RALGAPA1: variants seen among roughly 807,000 people sequenced by gnomAD.
The protein encoded by RALGAPA1 is ral GTPase-activating protein subunit alpha-1.
RALGAPA1 carries 52 observed loss-of-function variants against 269.6 expected under a neutral mutation model. The observed-to-expected ratio is 0.19, with a 90% CI of 0.15 to 0.24. The LOEUF (loss-of-function observed/expected upper bound fraction) is 0.24, where lower values mean the gene tolerates loss of function less well. RALGAPA1 is among the 10% of genes least tolerant of loss of function. The pLI is 1.00. For synonymous variants in RALGAPA1, 817 were observed against 1,008.3 expected (o/e 0.81, Z 3.60); for missense variants, 1,917 against 3,013.9 (o/e 0.64, Z 8.52).
chr14:35,720,469 A>G (rs1231105331), intron 16 of RALGAPA1, among the ~76,000 whole-genome samples: 1 of 152,216 alleles, frequency 6.6e-6, no homozygotes, highest in Non-Finnish European at 1.5e-5. Flanking sequence ...ATTTCTTTAA[A>G]ATTAATAGTG....
intron 31 of RALGAPA1, among the ~76,000 whole-genome samples, chr14:35,644,658 C>A (rs2062269510): frequency 6.6e-6 from 1 of 151,990 alleles, no homozygotes; most frequent in Admixed American, 6.6e-5. Context: ...ATATGGAAAC[C>A]AGATTTTTCA....
intron 30 of RALGAPA1, among the ~76,000 whole-genome samples, chr14:35,652,383 T>TATATATATATATATATACAC (rs968163110): frequency 6.7e-6 from 1 of 148,696 alleles, no homozygotes; most frequent in Admixed American, 6.7e-5. Flanking sequence ...TATATATATA[T>TATATATATATATATATACAC]ACACACACAC....
At chr14:35,739,212 A>G (rs933689699) in intron 11 of RALGAPA1, among the ~76,000 whole-genome samples, 1 of 152,104 alleles carries the variant, frequency 6.6e-6, no homozygotes, top group Non-Finnish European at 1.5e-5. Context: ...CAGAAATGCC[A>G]CTCTGCAGTT....
At chr14:35,748,881 G>A (rs1595417990) in intron 9 of RALGAPA1, 57 bp from the exon 10 acceptor site, 1 of 1,495,756 alleles carries the variant, frequency 6.7e-7, no homozygotes, top group East Asian at 2.4e-5. Flanking sequence ...ATTTAACTAT[G>A]TATTTTGTCT....
intron 26 of RALGAPA1, among the ~76,000 whole-genome samples, chr14:35,667,159 T>C (rs1295748072): frequency 1.3e-5 from 2 of 152,114 alleles, no homozygotes; most frequent in African/African-American, 4.8e-5. Flanking sequence ...TCCAGCACTT[T>C]GGGAGGCTGA....
At chr14:35,600,227 T>TTTTC (rs1555369684) in intron 36 of RALGAPA1, among the ~76,000 whole-genome samples, 1 of 129,656 alleles carries the variant, frequency 7.7e-6, no homozygotes, top group Non-Finnish European at 1.5e-5. Context: ...TCTTTTTCTT[T>TTTTC]TTTTCTTTTT....
At chr14:35,742,329 T>G (rs763776347) in intron 11 of RALGAPA1, 39 bp downstream of exon 11, 1 of 1,391,432 alleles carries the variant, frequency 7.2e-7, no homozygotes, top group South Asian at 1.3e-5. Context: ...TCTTAATCTA[T>G]TAGACTAACA....
intron 36 of RALGAPA1, among the ~76,000 whole-genome samples, chr14:35,599,284 C>T (rs962440491): frequency 6.6e-6 from 1 of 152,196 alleles, no homozygotes; most frequent in African/African-American, 2.4e-5. Context: ...GGTCTGCCTT[C>T]CTGATGTTTC....
chr14:35,621,951 T>C (rs1330518313), intron 35 of RALGAPA1, among the ~76,000 whole-genome samples: 1 of 152,192 alleles, frequency 6.6e-6, no homozygotes, highest in Non-Finnish European at 1.5e-5. Context: ...TGGAAGACAG[T>C]GTGGCGATTC....
intron 41 of RALGAPA1, chr14:35,541,923 A>T (rs1194571210): frequency 1.5e-6 from 1 of 685,814 alleles, no homozygotes; most frequent in Non-Finnish European, 2.3e-6. Context: ...AGGAGCAGAG[A>T]GAGAGGAATC....
chr14:35,766,173 G>A, intron 4 of RALGAPA1: 1 of 857,618 alleles, frequency 1.2e-6, no homozygotes, highest in East Asian at 2.4e-5. Flanking sequence ...ACCAAACTAT[G>A]GCTTAGTTTC....
In RALGAPA1 at chr14:35,721,702, C is replaced by T. The variant is rs774617805; in HGVS notation, c.2252G>A (p.Arg751Gln). Residue 751 changes from arginine to glutamine, a missense_variant, in exon 16 of 42, where the codon CGG (arginine) becomes CAG (glutamine). Arg to Gln is a conservative substitution (Grantham distance 43). This residue lies in a region of RALGAPA1 where 125 missense variants were observed against 155.7 expected (regional missense o/e 0.80). Transcript: ENST00000680220. ...AGAGTACATACCGACAGTTTTTTGC[C>T]GTACTATACTCCTCGCCTTTTCGGT... ...PGTEKARSIV[R>Q]QKTVAMRSRS... 11 of 1,610,636 alleles carry T rather than the reference C, an allele frequency of 6.8e-6. No individual in the cohort carries two copies. The highest frequency in any genetic ancestry group is 1.7e-5 in the Admixed American group (1 of 59,482).
chr14:35,742,553 G>C lies in RALGAPA1; in HGVS notation c.1264C>G (p.Pro422Ala). ...CTCATAGCTGCTGCTTCACAAATTGGTAATAAAAATGCCTAGGGAAAAAAA... is the reference window on the plus strand; with the variant it reads ...CTCATAGCTGCTGCTTCACAAATTGCTAATAAAAATGCCTAGGGAAAAAAA... Reference protein sequence around the residue: ...TEIFRQAFLLPICEAAAMRKV... With the variant: ...TEIFRQAFLLAICEAAAMRKV... The change falls in exon 11 of 42, where the codon CCA becomes GCA. Residue 422 changes from proline (P) to alanine (A), a missense_variant. Physicochemically the swap from Pro to Ala is conservative, Grantham distance 27 (BLOSUM62 -1). This residue lies in a region of RALGAPA1 where 462 missense variants were observed against 725.6 expected (regional missense o/e 0.64). Coordinates refer to ENST00000680220, the MANE Select transcript of RALGAPA1 (RefSeq NM_001346249.2). 1 of 1,605,732 alleles carries C rather than the reference G, an allele frequency of 6.2e-7. No homozygotes were observed. Among genetic ancestry groups the C allele is most frequent in the Non-Finnish European group, 8.5e-7 (1 of 1,173,856 alleles).
At chr14:35,754,936 G>A (rs2073041876) in intron 7 of RALGAPA1, among the ~76,000 whole-genome samples, 1 of 152,076 alleles carries the variant, frequency 6.6e-6, no homozygotes, top group African/African-American at 2.4e-5. Context: ...AAAAAACTAT[G>A]TACCCTATGA....
chr14:35,572,129 T>G (rs907962482), intron 38 of RALGAPA1, among the ~76,000 whole-genome samples: 1 of 152,216 alleles, frequency 6.6e-6, no homozygotes, highest in Non-Finnish European at 1.5e-5. Context: ...TTTTTTCAAT[T>G]TGTAGAATCC....
At chr14:35,684,820 T>C (rs2065776103) in intron 20 of RALGAPA1, 109 bp downstream of exon 20, 1 of 1,135,588 alleles carries the variant, frequency 8.8e-7, no homozygotes, top group African/African-American at 1.6e-5. Flanking sequence ...TGGGAGCCAC[T>C]GCCTAAGTAA....
At chr14:35,609,967 T>A in intron 35 of RALGAPA1, among the ~76,000 whole-genome samples, 1 of 142,554 alleles carries the variant, frequency 7.0e-6, no homozygotes. Flanking sequence ...CACAATTAAA[T>A]TCAAAGCAAG....
chr14:35,730,916 A>G (rs1164066902), intron 12 of RALGAPA1, among the ~76,000 whole-genome samples: 2 of 152,334 alleles, frequency 1.3e-5, no homozygotes, highest in East Asian at 3.9e-4. Context: ...ACCTCCCGGC[A>G]AGAGGCCAAC....
At chr14:35,641,975 G>T (rs1261432308) in intron 31 of RALGAPA1, among the ~76,000 whole-genome samples, 1 of 151,986 alleles carries the variant, frequency 6.6e-6, no homozygotes, top group East Asian at 1.9e-4. Context: ...TTAAACAAAG[G>T]TAAATAATAT....
Sources: gnomAD v4.1 joint callset for allele counts (sites outside exome capture counted in the v4.1 genomes callset) on GRCh38, gnomAD v4.1.1 for gene constraint, gnomAD v4.1.1 regional missense constraint, MANE v1.5 for transcripts, NCBI Gene and HGNC (gene_info 2026-07-23, HGNC 2026-07-21) for gene names.